ROBO1: variants seen among roughly 807,000 people sequenced by gnomAD.
ROBO1 encodes roundabout homolog 1.
In ROBO1, 149 loss-of-function variants were observed where a neutral mutation model predicts 195.9. That is an observed-to-expected ratio of 0.76 (90% CI 0.67 to 0.87). The LOEUF is 0.87. Among genes scored for constraint, ROBO1 ranks in the 40% least tolerant of loss-of-function variants. The probability of loss-of-function intolerance (pLI) is 0.00; values close to 1 mark genes in which losing one functional copy is unlikely to be tolerated. For missense variants in ROBO1, 1,933 were observed against 2,068.3 expected, an observed-to-expected ratio of 0.93 and a Z score of 1.27; for synonymous variants, 816 against 733.2, an observed-to-expected ratio of 1.11 and a Z score of -1.82.
chr3:78,826,257 A>G (rs1439779402), intron 4 of ROBO1, among the ~76,000 whole-genome samples: 1 of 152,198 alleles, frequency 6.6e-6, no homozygotes, highest in African/African-American at 2.4e-5. Context: ...TAGAACGCAC[A>G]TTATATTCTA....
chr3:79,329,430 G>A (rs1375167031), intron 2 of ROBO1, among the ~76,000 whole-genome samples: 1 of 152,140 alleles, frequency 6.6e-6, no homozygotes, highest in Non-Finnish European at 1.5e-5. Flanking sequence ...CCCTTAACAA[G>A]TGAAGTTAAA....
chr3:79,138,921 T>C (rs2080468028), intron 2 of ROBO1, among the ~76,000 whole-genome samples: 1 of 151,838 alleles, frequency 6.6e-6, no homozygotes, highest in Non-Finnish European at 1.5e-5. Flanking sequence ...AGTGATATTA[T>C]AACAAGTTGG....
chr3:79,595,770 G>A lies in ROBO1; in HGVS notation c.-50-5809C>T, dbSNP rs1434034923. Among the ~76,000 whole-genome samples, 9 of 150,216 alleles carry A rather than the reference G, an allele frequency of 6.0e-5. No homozygotes were observed. In the South Asian group the frequency reaches 1.5e-3, roughly 25 times the overall value. On this transcript the variant is annotated intron_variant, in intron 1 of 30. Coordinates refer to ENST00000464233, the MANE Select transcript of ROBO1 (RefSeq NM_002941.4). Reference sequence around the variant, plus strand: ...TATAGAGCCTATGTTGCCCAAGATGGTCTCGAACTTCTGGCCTCAAGATCC... The same window carrying A: ...TATAGAGCCTATGTTGCCCAAGATGATCTCGAACTTCTGGCCTCAAGATCC...
chr3:79,038,051 C>A (rs1331610329), intron 3 of ROBO1, among the ~76,000 whole-genome samples: 1 of 152,130 alleles, frequency 6.6e-6, no homozygotes, highest in Non-Finnish European at 1.5e-5. Flanking sequence ...CATATAATAG[C>A]ACTTTCTTAA....
At chr3:79,577,469 G>GA (rs138973834) in intron 2 of ROBO1, among the ~76,000 whole-genome samples, 36 of 152,182 alleles carry the variant, frequency 2.4e-4, no homozygotes, top group Non-Finnish European at 4.3e-4. Flanking sequence ...TCATTGAAAT[G>GA]AAAAAACTTC....
At chr3:79,551,632 C>G (rs1942515353) in intron 2 of ROBO1, among the ~76,000 whole-genome samples, 1 of 151,902 alleles carries the variant, frequency 6.6e-6, no homozygotes, top group African/African-American at 2.4e-5. Context: ...GAAGAGAAAG[C>G]TCTCAGCTGT....
intron 2 of ROBO1, among the ~76,000 whole-genome samples, chr3:79,556,911 T>A (rs1942720174): frequency 1.3e-5 from 2 of 151,450 alleles, no homozygotes; most frequent in South Asian, 2.1e-4. Flanking sequence ...TTTTTTAAAA[T>A]AAAAATTTTT....
At chr3:79,198,444 T>C (rs2081687425) in intron 2 of ROBO1, among the ~76,000 whole-genome samples, 1 of 152,088 alleles carries the variant, frequency 6.6e-6, no homozygotes, top group African/African-American at 2.4e-5. Flanking sequence ...ACTGTAGCCT[T>C]ATAGTATAGT....
At chr3:78,806,362 G>A (rs577613049) in intron 4 of ROBO1, among the ~76,000 whole-genome samples, 1 of 152,186 alleles carries the variant, frequency 6.6e-6, no homozygotes, top group Non-Finnish European at 1.5e-5. Flanking sequence ...CAGTGTCAGT[G>A]AAGGTTCTTG....
chr3:79,388,189 A>G (rs1230486679), intron 2 of ROBO1, among the ~76,000 whole-genome samples: 1 of 152,190 alleles, frequency 6.6e-6, no homozygotes, highest in Non-Finnish European at 1.5e-5. Flanking sequence ...TTCTTACGCT[A>G]AAATTATCTA....
In ROBO1 at chr3:78,635,962, G is replaced by A. The variant is rs759596661; in HGVS notation, c.3184C>T (p.Arg1062Cys). ...GGCTGCCCTGATGGATTGACAAAAC[G>A]CCCATCCTTCAGATTTGGGCTATTG... The part of the protein sequence containing the change: ...TFNSPNLKDG[R>C]FVNPSGQPTP... Residue 1062 changes from arginine to cysteine, a missense_variant, in exon 23 of 31, where the codon CGT (arginine) becomes TGT (cysteine). Coordinates refer to ENST00000464233, the MANE Select transcript of ROBO1 (RefSeq NM_002941.4). 7 of 1,613,700 alleles carry A rather than the reference G, an allele frequency of 4.3e-6. No individual in the cohort carries two copies. Among genetic ancestry groups the A allele is most frequent in the East Asian group, 2.2e-5 (1 of 44,882 alleles).
rs1373153257 is a variant in ROBO1 at position 79,590,430 on chromosome 3, A to G, written c.-50-469T>C. ...TTCACCCAGGTGCATAAACACCTTG[A>G]GGCCACTTTAATTATGTGAATTCAC... On this transcript the variant is annotated intron_variant, in intron 1 of 30. Coordinates refer to ENST00000464233, the MANE Select transcript of ROBO1 (RefSeq NM_002941.4). Among the ~76,000 whole-genome samples the G allele has an allele frequency of 2.6e-5, 4 of 151,988 alleles. No homozygotes were observed. In the East Asian group the frequency reaches 7.8e-4, roughly 29 times the overall value.
chr3:79,161,429 G>A (rs542137147), intron 2 of ROBO1, among the ~76,000 whole-genome samples: 1 of 152,032 alleles, frequency 6.6e-6, no homozygotes, highest in Non-Finnish European at 1.5e-5. Flanking sequence ...AGGTTTTAAG[G>A]GGACCAGAAG....
intron 5 of ROBO1, among the ~76,000 whole-genome samples, chr3:78,732,783 T>C (rs2082312432): frequency 6.6e-6 from 1 of 152,100 alleles, no homozygotes; most frequent in Non-Finnish European, 1.5e-5. Flanking sequence ...CCAGCCAGTA[T>C]TATACAGATT....
At chr3:78,879,850 C>T (rs1479039198) in intron 4 of ROBO1, among the ~76,000 whole-genome samples, 1 of 152,096 alleles carries the variant, frequency 6.6e-6, no homozygotes, top group Non-Finnish European at 1.5e-5. Context: ...TAAGTTCAAA[C>T]AGCATTTTAC....
At chr3:79,745,029 T>A (rs1269245720) in intron 1 of ROBO1, among the ~76,000 whole-genome samples, 2 of 152,178 alleles carry the variant, frequency 1.3e-5, no homozygotes, top group African/African-American at 4.8e-5. Flanking sequence ...ACCTTCTATT[T>A]CAGCCAGAAG....
chr3:78,905,149 C>T (rs1261535012), intron 4 of ROBO1, among the ~76,000 whole-genome samples: 1 of 152,078 alleles, frequency 6.6e-6, no homozygotes, highest in Non-Finnish European at 1.5e-5. Flanking sequence ...TGAGAGATTA[C>T]ACCTTTATCA....
Position 78,631,232 on chromosome 3 carries a change from C to G in ROBO1, c.3555G>C (p.Leu1185=). ...GAGGATGTGCTGGGGGAGGAGGAAG[C>G]AGGTCTGCCCAGTTCATGCCACCCT... ...PKQGGMNWAD[L]LPPPPAHPPP... The change falls in exon 25 of 31, where the codon CTG becomes CTC. Residue 1185 remains leucine, a synonymous_variant. Coordinates refer to ENST00000464233, the MANE Select transcript of ROBO1 (RefSeq NM_002941.4). 3.1e-6 allele frequency: 5 copies of G among 1,613,406 alleles called. No individual in the cohort carries two copies. The highest frequency in any genetic ancestry group is 4.2e-6 in the Non-Finnish European group (5 of 1,179,660).
At chr3:78,887,267 C>A in intron 4 of ROBO1, among the ~76,000 whole-genome samples, 1 of 152,084 alleles carries the variant, frequency 6.6e-6, no homozygotes, top group East Asian at 1.9e-4. Context: ...AAATTTGCAC[C>A]ATCACTTCTT....
Sources: allele counts gnomAD v4.1 joint callset (sites outside exome capture counted in the v4.1 genomes callset), GRCh38; gene constraint gnomAD v4.1.1; transcripts MANE v1.5; gene names NCBI Gene and HGNC (gene_info 2026-07-23, HGNC 2026-07-21).